The following BCL2L1 variants were observed in gnomAD, a reference collection of about 807,000 sequenced individuals.
The protein encoded by BCL2L1 is BCL2 like 1.
BCL2L1 carries 1 observed loss-of-function variant against 18.7 expected under a neutral mutation model. The ratio of observed to expected loss-of-function variants is 0.05; its 90% CI spans 0.02 to 0.25. The LOEUF is 0.25. BCL2L1 is among the 10% of genes least tolerant of loss of function. The probability of loss-of-function intolerance (pLI) is 1.00; values close to 1 mark genes in which losing one functional copy is unlikely to be tolerated. For synonymous variants in BCL2L1, 103 were observed against 122.7 expected (o/e 0.84, Z 1.06); for missense variants, 207 against 304.9 (o/e 0.68, Z 2.39).
At chr20:31,682,757 C>T (rs1414281600) in intron 2 of BCL2L1, among the ~76,000 whole-genome samples, 1 of 152,136 alleles carries the variant, frequency 6.6e-6, no homozygotes, top group Non-Finnish European at 1.5e-5. Context: ...GCCTGGCCTA[C>T]TTAACATTAT....
In BCL2L1 at chr20:31,682,175, G is replaced by A. The variant is rs150255679; in HGVS notation, c.565-16089C>T. On this transcript the variant is annotated intron_variant, in intron 2 of 2. Transcript: ENST00000307677. ...TGAATGAATAAATAAATAAGGTAAT[G>A]CCAGAAGGCCAGTATATGTGCAAGA... is the stretch of plus-strand genomic sequence containing the variant. 1.5e-4 allele frequency among the ~76,000 whole-genome samples: 23 copies of A among 152,366 alleles called. No homozygotes were observed. The Middle Eastern group carries it at 0.014, about 90-fold the overall frequency.
intron 2 of BCL2L1, 177 bp downstream of exon 2, chr20:31,721,477 TC>T (rs1223453551): frequency 5.7e-6 from 4 of 696,434 alleles, no homozygotes; most frequent in Non-Finnish European, 9.2e-6. Context: ...AAGCACAGGG[TC>T]ATTTGTATTT....
intron 2 of BCL2L1, chr20:31,713,326 G>A: frequency 1.0e-6 from 1 of 985,396 alleles, no homozygotes; most frequent in Non-Finnish European, 1.2e-6. Context: ...GGTGAAGGAG[G>A]AAAGGGTAGG....
intron 2 of BCL2L1, chr20:31,713,186 G>C (rs1247186117): frequency 1.1e-6 from 1 of 875,182 alleles, no homozygotes; most frequent in Admixed American, 6.2e-5. Flanking sequence ...GAGCCAAGGA[G>C]AGAACCCAGG....
intron 2 of BCL2L1, among the ~76,000 whole-genome samples, chr20:31,685,211 G>T (rs1568864659): frequency 6.6e-6 from 1 of 151,712 alleles, no homozygotes; most frequent in Non-Finnish European, 1.5e-5. Flanking sequence ...GACCATCCTG[G>T]CTAACACGGT....
intron 2 of BCL2L1, among the ~76,000 whole-genome samples, chr20:31,714,815 A>G (rs1005334936): frequency 6.6e-6 from 1 of 152,182 alleles, no homozygotes; most frequent in African/African-American, 2.4e-5. Flanking sequence ...TAGTTGAAAA[A>G]TATGGTTTCC....
At chr20:31,721,247 G>A (rs971128445) in intron 2 of BCL2L1, among the ~76,000 whole-genome samples, 8 of 152,178 alleles carry the variant, frequency 5.3e-5, no homozygotes, top group African/African-American at 1.7e-4. Context: ...AGGTCTGTGG[G>A]TCATTGATGC....
chr20:31,689,930 T>C (rs2061032534), intron 2 of BCL2L1, among the ~76,000 whole-genome samples: 2 of 152,194 alleles, frequency 1.3e-5, no homozygotes, highest in South Asian at 2.1e-4. Flanking sequence ...GGCAGGAGAA[T>C]TGCTTGAACC....
At chr20:31,713,243 T>C in intron 2 of BCL2L1, 1 of 981,594 alleles carries the variant, frequency 1.0e-6, no homozygotes, top group Non-Finnish European at 1.2e-6. Flanking sequence ...TAGGGGGTAA[T>C]GGCCTGGCAG....
At chr20:31,720,809 CA>C in intron 2 of BCL2L1, 1 of 985,430 alleles carries the variant, frequency 1.0e-6, no homozygotes, top group African/African-American at 1.7e-5. Context: ...CAATGTCCCA[CA>C]GAGCCCCAAA....
chr20:31,665,702 C>A lies in BCL2L1; in HGVS notation c.*247G>T. ...AAACCCTTCCATACCTGCCAGCCTC[C>A]TTTGGACAGATTTTGTGGAAATTTT... On this transcript the variant is annotated 3_prime_UTR_variant, in exon 3 of 3. Transcript: ENST00000307677. 1 of 576,508 alleles carries A rather than the reference C, an allele frequency of 1.7e-6. No individual in the cohort carries two copies. Among genetic ancestry groups the A allele is most frequent in the South Asian group, 2.2e-5 (1 of 45,758 alleles). The allele number at this position is 576,508 out of a possible 1,614,324, so 35.7% of individuals were successfully genotyped here.
At chr20:31,693,148 A>G (rs986983281) in intron 2 of BCL2L1, among the ~76,000 whole-genome samples, 25 of 143,552 alleles carry the variant, frequency 1.7e-4, no homozygotes, top group African/African-American at 6.7e-4. Flanking sequence ...ATACCTATAT[A>G]TATATAGTAA....
chr20:31,686,539 G>C (rs2060958029), intron 2 of BCL2L1, among the ~76,000 whole-genome samples: 1 of 152,210 alleles, frequency 6.6e-6, no homozygotes, highest in Non-Finnish European at 1.5e-5. Context: ...TGCAAAGAGA[G>C]TGGAAGTAGC....
intron 2 of BCL2L1, among the ~76,000 whole-genome samples, chr20:31,718,853 C>T (rs934680346): frequency 1.3e-5 from 2 of 152,146 alleles, no homozygotes; most frequent in South Asian, 4.1e-4. Context: ...AGAGTGAGCA[C>T]CTTCACAGGC....
At chr20:31,702,926 G>C (rs1184100224) in intron 2 of BCL2L1, among the ~76,000 whole-genome samples, 1 of 145,110 alleles carries the variant, frequency 6.9e-6, no homozygotes, top group Admixed American at 6.9e-5. Flanking sequence ...CAGCCTGGGC[G>C]ACAGGGCAAG....
intron 2 of BCL2L1, among the ~76,000 whole-genome samples, chr20:31,682,155 G>A (rs2060875570): frequency 6.6e-6 from 1 of 152,214 alleles, no homozygotes; most frequent in Admixed American, 6.5e-5. Flanking sequence ...GTGAATGAAT[G>A]AATAAATAAA....
At chr20:31,717,939 G>A (rs1344859848) in intron 2 of BCL2L1, among the ~76,000 whole-genome samples, 2 of 152,196 alleles carry the variant, frequency 1.3e-5, no homozygotes, top group South Asian at 2.1e-4. Context: ...GTGTCCCTTC[G>A]GGGAAGGTCA....
At chr20:31,670,189 G>A (rs562343488) in intron 2 of BCL2L1, among the ~76,000 whole-genome samples, 17 of 152,176 alleles carry the variant, frequency 1.1e-4, no homozygotes, top group Non-Finnish European at 1.9e-4. Context: ...ATGCTTCCCT[G>A]TCTCCCTCTC....
chr20:31,683,643 C>G (rs2060900971), intron 2 of BCL2L1, among the ~76,000 whole-genome samples: 1 of 151,814 alleles, frequency 6.6e-6, no homozygotes, highest in Non-Finnish European at 1.5e-5. Context: ...GTGGCGGGCA[C>G]CTGTAATCCC....
Sources: allele counts gnomAD v4.1 joint callset (sites outside exome capture counted in the v4.1 genomes callset), GRCh38; gene constraint gnomAD v4.1.1; transcripts MANE v1.5; gene names NCBI Gene and HGNC (gene_info 2026-07-23, HGNC 2026-07-21).